The following PEX13 variants were observed in gnomAD, a reference collection of about 807,000 sequenced individuals.
PEX13 encodes the protein peroxisome biogenesis factor 13.
In PEX13, 28 loss-of-function variants were observed where a neutral mutation model predicts 34.5. That is an observed-to-expected ratio of 0.81 (90% CI 0.60 to 1.11). The LOEUF is 1.11. PEX13 is among the 50% of genes most tolerant of loss of function. PEX13 has a pLI of 0.00. For synonymous variants in PEX13, 177 were observed against 175.1 expected (o/e 1.01, Z -0.09); for missense variants, 550 against 491.0 (o/e 1.12, Z -1.13).
intron 1 of PEX13, chr2:61,018,424 T>C (rs564390531): frequency 9.1e-7 from 1 of 1,093,118 alleles, no homozygotes; most frequent in South Asian, 1.9e-5. Flanking sequence ...CTGAGGCCTA[T>C]GGATGGACTT....
At chr2:61,034,873 C>T (rs528343125) in intron 2 of PEX13, among the ~76,000 whole-genome samples, 1 of 152,224 alleles carries the variant, frequency 6.6e-6, no homozygotes, top group African/African-American at 2.4e-5. Context: ...TCTCTAGATT[C>T]CACCTCTGTG....
chr2:61,048,514 A>T lies in PEX13; in HGVS notation c.956A>T (p.Asp319Val). Residue 319 changes from aspartate to valine, a missense_variant, in exon 4 of 4, where the codon GAT (aspartate) becomes GTT (valine). Coordinates refer to ENST00000295030, the MANE Select transcript of PEX13 (RefSeq NM_002618.4). The part of the protein sequence containing the change: ...KVRGWLLASL[D>V]GQTTGLIPAN... ...CGTGGTTGGCTTCTGGCTAGCCTTG[A>T]TGGCCAAACAACAGGACTTATACCT... is the stretch of plus-strand genomic sequence containing the variant. 6.2e-7 allele frequency: 1 copy of T among 1,613,936 alleles called. No homozygotes were observed.
At position 61,049,950 on chromosome 2, in the gene PEX13, T is replaced by C. The variant is rs913516772; in HGVS notation, c.*1180T>C. ...ATTTTTAATATTTTCATAGATTGTT[T>C]GCTTCTACCTTGTGTAATTTTTTAA... On this transcript the variant is annotated 3_prime_UTR_variant, in exon 4 of 4. Transcript: ENST00000295030. 3.9e-5 allele frequency: 6 copies of C among 152,446 alleles called. No individual in the cohort carries two copies. Among genetic ancestry groups the C allele is most frequent in the Admixed American group, 2.0e-4 (3 of 15,300 alleles). The allele number at this position is 152,446 out of a possible 1,614,324, so 9.4% of individuals were successfully genotyped here.
At position 61,048,765 on chromosome 2, in the gene PEX13, C is replaced by A. The variant is rs1680751707; in HGVS notation, c.1207C>A (p.Leu403Ile). 2.5e-6 allele frequency: 4 copies of A among 1,610,982 alleles called. No homozygotes were observed. Among genetic ancestry groups the A allele is most frequent in the African/African-American group, 1.3e-5 (1 of 74,842 alleles). ...TGGGAAAGATGGAGAAAAGCAAGAT[C>A]TTTGATATCTTTCATGTTTGCCTGC... is the stretch of plus-strand genomic sequence containing the variant. Reference protein sequence around the residue: ...SIGKDGEKQDL With the variant: ...SIGKDGEKQDI Residue 403 changes from leucine to isoleucine, a missense_variant, in exon 4 of 4, where the codon CTT becomes ATT. Leu to Ile is a conservative substitution (Grantham distance 5). Coordinates refer to ENST00000295030, the MANE Select transcript of PEX13 (RefSeq NM_002618.4).
intron 2 of PEX13, among the ~76,000 whole-genome samples, chr2:61,034,998 A>G (rs976730385): frequency 2.0e-5 from 3 of 152,212 alleles, no homozygotes; most frequent in African/African-American, 4.8e-5. Flanking sequence ...AGCTCCAAGA[A>G]TGCAGACTGC....
rs996904615 is a variant in PEX13, at chr2:61,048,664, C to A, written c.1106C>A (p.Ser369Tyr). The A allele has an allele frequency of 1.2e-6, 2 of 1,613,856 alleles. No homozygotes were observed. Among genetic ancestry groups the A allele is most frequent in the Non-Finnish European group, 1.7e-6 (2 of 1,179,874 alleles). The change falls in exon 4 of 4, where the codon TCT becomes TAT. Residue 369 changes from serine to tyrosine, a missense_variant. Coordinates refer to ENST00000295030, the MANE Select transcript of PEX13 (RefSeq NM_002618.4). ...TLTKGATVAD[S>Y]LDEQEAAFES... ...ACTAAAGGAGCCACGGTTGCTGATTCTTTGGATGAACAGGAAGCTGCCTTT... is the reference window on the plus strand; with the variant it reads ...ACTAAAGGAGCCACGGTTGCTGATTATTTGGATGAACAGGAAGCTGCCTTT...
intron 1 of PEX13, among the ~76,000 whole-genome samples, chr2:61,030,963 CTG>C: frequency 6.6e-6 from 1 of 152,210 alleles, no homozygotes; most frequent in Admixed American, 6.5e-5. Context: ...TTACACACCT[CTG>C]TGAGTGTACT....
At chr2:61,028,885 A>G (rs533330219) in intron 1 of PEX13, among the ~76,000 whole-genome samples, 1 of 152,190 alleles carries the variant, frequency 6.6e-6, no homozygotes, top group Non-Finnish European at 1.5e-5. Flanking sequence ...TTTAAAAAGC[A>G]GTGATAAAAA....
chr2:61,037,391 G>A (rs1468317273), intron 2 of PEX13, among the ~76,000 whole-genome samples: 1 of 152,146 alleles, frequency 6.6e-6, no homozygotes, highest in Non-Finnish European at 1.5e-5. Context: ...CTCAGCAAAT[G>A]TAAAAGAACA....
At chr2:61,040,212 T>C (rs12104681) in intron 2 of PEX13, among the ~76,000 whole-genome samples, 9,541 of 152,176 alleles carry the variant, frequency 0.063, 1,042 homozygotes, top group African/African-American at 0.22. Context: ...AGAAATACCG[T>C]TTGACCCAGT....
At chr2:61,044,108 C>T (rs1680667639) in intron 2 of PEX13, among the ~76,000 whole-genome samples, 2 of 152,044 alleles carry the variant, frequency 1.3e-5, no homozygotes, top group Non-Finnish European at 2.9e-5. Flanking sequence ...CACCACCACA[C>T]CTGGCCAATT....
chr2:61,024,813 C>G (rs937083641), intron 1 of PEX13, among the ~76,000 whole-genome samples: 4 of 151,734 alleles, frequency 2.6e-5, no homozygotes, highest in Admixed American at 2.6e-4. Flanking sequence ...CATCTAAGAA[C>G]AAAAACAAAA....
intron 1 of PEX13, among the ~76,000 whole-genome samples, chr2:61,022,950 A>G (rs1450372964): frequency 6.6e-6 from 1 of 151,980 alleles, no homozygotes; most frequent in Non-Finnish European, 1.5e-5. Flanking sequence ...TTTTCTTTGT[A>G]CTATTCTGGT....
chr2:61,017,937 G>T, intron 1 of PEX13, 86 bp downstream of exon 1: 3 of 1,412,594 alleles, frequency 2.1e-6, no homozygotes, highest in Non-Finnish European at 2.9e-6. Context: ...GTTAGTGGAG[G>T]TATTCCCTTC....
In PEX13 at chr2:61,032,129, G is replaced by A. The variant is rs962337300; in HGVS notation, c.787+16G>A. ...GAAGTAACAGGTAAGAGAACTGTAA[G>A]GGAACAGGTTCAGATACCATATAAC... On this transcript the variant is annotated intron_variant, in intron 2 of 3. Transcript: ENST00000295030. The A allele has an allele frequency of 1.3e-6, 2 of 1,535,860 alleles. No individual in the cohort carries two copies. The highest frequency in any genetic ancestry group is 1.7e-5 in the Admixed American group (1 of 59,858).
intron 1 of PEX13, among the ~76,000 whole-genome samples, chr2:61,024,580 C>T (rs1334934437): frequency 6.6e-6 from 1 of 152,086 alleles, no homozygotes; most frequent in Non-Finnish European, 1.5e-5. Context: ...GAGGCCGAGG[C>T]GCGTGGATCA....
At chr2:61,038,283 C>T (rs1187563619) in intron 2 of PEX13, among the ~76,000 whole-genome samples, 1 of 152,160 alleles carries the variant, frequency 6.6e-6, no homozygotes, top group Non-Finnish European at 1.5e-5. Context: ...GATACCAGAG[C>T]CTGGCAGAGA....
At chr2:61,027,080 T>C (rs1229127545) in intron 1 of PEX13, among the ~76,000 whole-genome samples, 4 of 151,330 alleles carry the variant, frequency 2.6e-5, no homozygotes, top group African/African-American at 9.7e-5. Context: ...CTTAGCTCTT[T>C]GGGAGGCCAA....
At chr2:61,047,938 A>G (rs1680729702) in intron 3 of PEX13, among the ~76,000 whole-genome samples, 1 of 152,206 alleles carries the variant, frequency 6.6e-6, no homozygotes, top group South Asian at 2.1e-4. Flanking sequence ...ATGGCTAGAA[A>G]TAACAAAGGT....
Sources: allele counts gnomAD v4.1 joint callset (sites outside exome capture counted in the v4.1 genomes callset), GRCh38; gene constraint gnomAD v4.1.1; transcripts MANE v1.5; gene names NCBI Gene and HGNC (gene_info 2026-07-23, HGNC 2026-07-21).